FHDC1: variants seen among roughly 807,000 people sequenced by gnomAD.
The protein encoded by FHDC1 is FH2 domain-containing protein 1.
Under a neutral mutation model 52.6 loss-of-function variants are expected in FHDC1, and 25 were observed. The observed-to-expected ratio is 0.48, with a 90% CI of 0.35 to 0.66. FHDC1 has a LOEUF of 0.66. Among genes scored for constraint, FHDC1 ranks in the 30% least tolerant of loss-of-function variants. The pLI, the probability that FHDC1 is intolerant of heterozygous loss-of-function variation, is 0.01. For missense variants in FHDC1, 1,459 were observed against 1,452.8 expected (o/e 1.00, Z -0.07); for synonymous variants, 616 against 581.5 (o/e 1.06, Z -0.85).
the FHDC1 span, among the ~76,000 whole-genome samples, chr4:152,930,962 AACACAC>A: frequency 0.025 from 2,571 of 104,770 alleles, 47 homozygotes; most frequent in African/African-American, 0.059. Flanking sequence ...TCCCCAGGGA[AACACAC>A]ACACACACAC....
At chr4:152,970,707 G>T (rs1561213846) in intron 10 of FHDC1, among the ~76,000 whole-genome samples, 1 of 152,188 alleles carries the variant, frequency 6.6e-6, no homozygotes, top group Non-Finnish European at 1.5e-5. Flanking sequence ...CACTGCCTTG[G>T]GCTACTGACT....
chr4:152,938,329 G>A (rs1397836202), intron 1 of FHDC1, among the ~76,000 whole-genome samples: 2 of 151,906 alleles, frequency 1.3e-5, no homozygotes, highest in African/African-American at 4.8e-5. Flanking sequence ...GATTGAAGGC[G>A]CTTACTGGGA....
rs755919236 is a variant in FHDC1, at chr4:152,962,838, A to G, written c.875A>G (p.His292Arg). 1 of 1,614,030 alleles carries G rather than the reference A, an allele frequency of 6.2e-7. No individual in the cohort carries two copies. Among genetic ancestry groups the G allele is most frequent in the African/African-American group, 1.3e-5 (1 of 74,936 alleles). Reference sequence around the variant, plus strand: ...GAACTGATGTCATGTGAAGAGCTACATTCAATATTACACTTGGTGCTCCAG... The same window carrying G: ...GAACTGATGTCATGTGAAGAGCTACGTTCAATATTACACTTGGTGCTCCAG... ...IKELMSCEEL[H>R]SILHLVLQAG... The change falls in exon 7 of 12, where the codon CAT becomes CGT. Residue 292 changes from histidine (H) to arginine (R), a missense_variant. By Grantham distance (29) the His-to-Arg change is conservative (BLOSUM62 0). Coordinates refer to ENST00000511601, the MANE Select transcript of FHDC1 (RefSeq NM_001371116.1).
Position 152,974,779 on chromosome 4 carries a change from C to T in FHDC1, c.1488C>T (p.Gly496=). 6.5e-7 allele frequency: 1 copy of T among 1,540,000 alleles called. No individual in the cohort carries two copies. The highest frequency in any genetic ancestry group is 2.0e-5 in the Admixed American group (1 of 50,864). ...CAACTGGGGAGCTGGGGGCATTTGG[C>T]CGGAGCAGCAGTGAGAATGATGTGG... is the stretch of plus-strand genomic sequence containing the variant. ...SWATGELGAF[G]RSSSENDVEL... The change falls in exon 12 of 12, where the codon GGC becomes GGT. Residue 496 remains glycine (G), a synonymous_variant. Coordinates refer to ENST00000511601, the MANE Select transcript of FHDC1 (RefSeq NM_001371116.1).
chr4:152,960,858 T>C lies in FHDC1; in HGVS notation c.850+14T>C, dbSNP rs1340825515. On this transcript the variant is annotated intron_variant, in intron 6 of 11. Coordinates refer to ENST00000511601, the MANE Select transcript of FHDC1 (RefSeq NM_001371116.1). Reference sequence around the variant, plus strand: ...CTGCTATAAAAGGTGAGTCAACATATGATCCTTCGCAGAATTTGTTTTTAT... The same window carrying C: ...CTGCTATAAAAGGTGAGTCAACATACGATCCTTCGCAGAATTTGTTTTTAT... The C allele has an allele frequency of 6.5e-7, 1 of 1,535,532 alleles. No homozygotes were observed. The highest frequency in any genetic ancestry group is 8.8e-7 in the Non-Finnish European group (1 of 1,138,840).
In FHDC1 at chr4:152,975,009, G is replaced by C. The variant is rs760641446; in HGVS notation, c.1718G>C (p.Arg573Pro). The C allele has an allele frequency of 3.1e-6, 5 of 1,612,464 alleles. No homozygotes were observed. Among genetic ancestry groups the C allele is most frequent in the African/African-American group, 1.3e-5 (1 of 74,904 alleles). Reference protein sequence around the residue: ...EEPNKFHSLPRSSPRQARPTI... With the variant: ...EEPNKFHSLPPSSPRQARPTI... ...CCCAATAAGTTCCACAGCCTGCCCCGGAGCAGCCCCCGGCAGGCCCGGCCC... is the reference window on the plus strand; with the variant it reads ...CCCAATAAGTTCCACAGCCTGCCCCCGAGCAGCCCCCGGCAGGCCCGGCCC... Residue 573 changes from arginine to proline, a missense_variant, in exon 12 of 12, where the codon CGG (arginine) becomes CCG (proline). Arg to Pro is a moderately radical substitution (Grantham distance 103). This residue lies in a region of FHDC1 where 939 missense variants were observed against 854.5 expected (regional missense o/e 1.10). Transcript: ENST00000511601.
chr4:152,974,614 C>G (rs1327475461), intron 11 of FHDC1, 61 bp from the exon 12 acceptor site: 13 of 1,491,732 alleles, frequency 8.7e-6, no homozygotes, highest in Non-Finnish European at 1.2e-5. Flanking sequence ...GTAGGTGGCT[C>G]TGGAACTGCA....
Position 152,976,663 on chromosome 4 carries a change from C to T in FHDC1, c.3372C>T (p.Leu1124=). Residue 1124 remains leucine, a synonymous_variant, in exon 12 of 12, where the codon CTC becomes CTT. Transcript: ENST00000511601. ...KARGAGERAS[L]RRKDSSRTTL... is the part of the protein sequence containing the mutation. ...GAGGGGCTGGGGAAAGGGCCTCCCT[C>T]CGTCGGAAGGACTCCAGTCGGACCA... 1 of 1,573,802 alleles carries T rather than the reference C, an allele frequency of 6.4e-7. No homozygotes were observed. Among genetic ancestry groups the T allele is most frequent in the Non-Finnish European group, 8.6e-7 (1 of 1,160,492 alleles).
intron 4 of FHDC1, 46 bp from the exon 5 acceptor site, chr4:152,960,519 A>G (rs748163006): frequency 3.5e-6 from 5 of 1,429,888 alleles, no homozygotes; most frequent in Admixed American, 1.7e-5. Context: ...CTTAAATTGT[A>G]TTCGTAAGTG....
intron 2 of FHDC1, 150 bp downstream of exon 2, chr4:152,943,705 C>T (rs1013059067): frequency 3.1e-5 from 30 of 954,808 alleles, no homozygotes; most frequent in Non-Finnish European, 3.8e-5. Context: ...AGGGTCTTTA[C>T]GATGAGCTTG....
chr4:152,961,094 C>G (rs753973150), intron 6 of FHDC1, among the ~76,000 whole-genome samples: 1 of 152,184 alleles, frequency 6.6e-6, no homozygotes, highest in Non-Finnish European at 1.5e-5. Flanking sequence ...TCAGAGTCAA[C>G]CTTGCTGGTT....
chr4:152,958,811 T>G (rs1740188146), intron 4 of FHDC1, among the ~76,000 whole-genome samples: 1 of 152,208 alleles, frequency 6.6e-6, no homozygotes, highest in African/African-American at 2.4e-5. Context: ...AGAAGTGCCA[T>G]GTGCCCTTAA....
chr4:152,934,114 C>T (rs1739303479), upstream of FHDC1, among the ~76,000 whole-genome samples: 1 of 152,090 alleles, frequency 6.6e-6, no homozygotes, highest in South Asian at 2.1e-4. Context: ...TGATATGTGG[C>T]CAACAGCAGA....
rs1740935721 is a variant in FHDC1 at position 152,977,519 on chromosome 4, T to G, written c.*796T>G. The stretch of plus-strand genomic sequence containing the variant: ...CTGCAGTGGCACAATCATAGCTCAC[T>G]GCAGCTTTGACCTCCCAGACCCAAG... On this transcript the variant is annotated 3_prime_UTR_variant, in exon 12 of 12. Transcript: ENST00000511601. 6.6e-6 allele frequency: 1 copy of G among 152,214 alleles called. No individual in the cohort carries two copies. The highest frequency in any genetic ancestry group is 1.5e-5 in the Non-Finnish European group (1 of 68,030). 9.4% of individuals were successfully genotyped at this position (152,214 alleles called of 1,614,324 possible). A position where few individuals can be genotyped will look rare whatever the true frequency, so the allele number is the denominator to read the frequency against.
rs141806098 is a variant in FHDC1 at position 152,946,890 on chromosome 4, C to T, written c.498+3335C>T. 2.4e-3 allele frequency among the ~76,000 whole-genome samples: 372 copies of T among 152,220 alleles called. 6 individuals are homozygous for T. Among genetic ancestry groups the T allele is most frequent in the Non-Finnish European group, 2.7e-3 (186 of 68,008 alleles). On this transcript the variant is annotated intron_variant, in intron 2 of 11. Transcript: ENST00000511601. ...TAGGGAAGATTGGAGAATGGCTGAA[C>T]TTAGAAAGAACAACACTTAAATAGT...
the FHDC1 span, among the ~76,000 whole-genome samples, chr4:152,915,193 G>C: frequency 6.6e-6 from 1 of 152,046 alleles, no homozygotes; most frequent in Non-Finnish European, 1.5e-5. Flanking sequence ...CACGGGGTAG[G>C]CTGTCTTATT....
chr4:152,927,625 A>C, the FHDC1 span: 1 of 1,605,354 alleles, frequency 6.2e-7, no homozygotes, highest in Non-Finnish European at 8.5e-7. Flanking sequence ...GGCTACAGGA[A>C]CAGAAGGACA....
At chr4:152,939,159 A>G (rs1157504644) in intron 1 of FHDC1, among the ~76,000 whole-genome samples, 1 of 152,088 alleles carries the variant, frequency 6.6e-6, no homozygotes. Context: ...GGCTCACTGC[A>G]ACCTCCGACT....
At position 152,979,241 on chromosome 4, in the gene FHDC1, G is replaced by A. The variant is rs1239898273; in HGVS notation, c.*2518G>A. On this transcript the variant is annotated 3_prime_UTR_variant, in exon 12 of 12. Transcript: ENST00000511601. ...ACAGATGTGGGGCCATGGCCTCGATGATGGTCTCCACAGGTCTTTCCACCT... is the reference window on the plus strand; with the variant it reads ...ACAGATGTGGGGCCATGGCCTCGATAATGGTCTCCACAGGTCTTTCCACCT... 1 of 152,216 alleles carries A rather than the reference G, an allele frequency of 6.6e-6. No individual in the cohort carries two copies. The highest frequency in any genetic ancestry group is 2.4e-5 in the African/African-American group (1 of 41,436). 9.4% of individuals were successfully genotyped at this position (152,216 alleles called of 1,614,324 possible).
Sources: allele counts gnomAD v4.1 joint callset (sites outside exome capture counted in the v4.1 genomes callset), GRCh38; gene constraint gnomAD v4.1.1; regional missense constraint gnomAD v4.1.1; transcripts MANE v1.5; gene names NCBI Gene and HGNC (gene_info 2026-07-23, HGNC 2026-07-21).